SHTN1: variants seen among roughly 807,000 people sequenced by gnomAD.
The protein encoded by SHTN1 is shootin 1, also known as shootin-1.
Under a neutral mutation model 83.1 loss-of-function variants are expected in SHTN1, and 42 were observed. The ratio of observed to expected loss-of-function variants is 0.51; its 90% CI spans 0.39 to 0.65. The LOEUF (loss-of-function observed/expected upper bound fraction) is 0.65. Among genes scored for constraint, SHTN1 ranks in the 30% least tolerant of loss-of-function variants. The pLI is 0.00. For missense variants in SHTN1, 622 were observed against 737.8 expected, an observed-to-expected ratio of 0.84 and a Z score of 1.82; for synonymous variants, 224 against 247.7, an observed-to-expected ratio of 0.90 and a Z score of 0.90.
At chr10:116,932,011 T>G (rs1848986483) in intron 9 of SHTN1, among the ~76,000 whole-genome samples, 1 of 152,170 alleles carries the variant, frequency 6.6e-6, no homozygotes, top group Non-Finnish European at 1.5e-5. Flanking sequence ...TTTGAGATAG[T>G]TTTTCGACTT....
At chr10:116,920,581 G>C (rs905025812) in intron 12 of SHTN1, among the ~76,000 whole-genome samples, 15 of 152,064 alleles carry the variant, frequency 9.9e-5, no homozygotes, top group Admixed American at 3.3e-4. Context: ...TCCAGTTACA[G>C]TCTGTTCTCT....
upstream of SHTN1, among the ~76,000 whole-genome samples, chr10:117,009,765 G>A (rs952467129): frequency 1.3e-5 from 2 of 151,928 alleles, no homozygotes; most frequent in African/African-American, 2.4e-5. Flanking sequence ...TTAGCCGGGC[G>A]TGGTGGCGGG....
At chr10:116,903,606 C>A (rs531359389) in intron 15 of SHTN1, among the ~76,000 whole-genome samples, 1 of 152,030 alleles carries the variant, frequency 6.6e-6, no homozygotes, top group Admixed American at 6.6e-5. Context: ...GACAGAAGGG[C>A]AGAACAGAAA....
At position 116,884,986 on chromosome 10, in the gene SHTN1, C is replaced by T. The variant is rs56075302; in HGVS notation, c.*1358G>A. 1 of 152,326 alleles carries T rather than the reference C, an allele frequency of 6.6e-6. No homozygotes were observed. The highest frequency in any genetic ancestry group is 2.1e-4 in the South Asian group (1 of 4,828). The allele number at this position is 152,326 out of a possible 1,614,324, so 9.4% of individuals were successfully genotyped here. A position where few individuals can be genotyped will look rare whatever the true frequency, so the allele number is the denominator to read the frequency against. ...TCTCCATGAGTAAAGTGATAAGTAACTATAAAATCATTATTGGGAGAACAT... is the reference window on the plus strand; with the variant it reads ...TCTCCATGAGTAAAGTGATAAGTAATTATAAAATCATTATTGGGAGAACAT... On this transcript the variant is annotated 3_prime_UTR_variant, in exon 17 of 17. Transcript: ENST00000355371.
chr10:116,932,357 C>T (rs574888971), intron 9 of SHTN1, among the ~76,000 whole-genome samples: 2 of 152,144 alleles, frequency 1.3e-5, no homozygotes, highest in African/African-American at 2.4e-5. Flanking sequence ...CACAGAACCG[C>T]GAACCCTATT....
chr10:117,054,686 C>T lies in SHTN1; in HGVS notation c.-188-6176G>A, dbSNP rs766377866. 1.9e-4 allele frequency among the ~76,000 whole-genome samples: 29 copies of T among 151,846 alleles called. 3 individuals are homozygous for T. Among genetic ancestry groups the T allele is most frequent in the Admixed American group, 1.3e-3 (20 of 15,218 alleles). ...CCTCCCAAAGTGCTGGGATTACAGC[C>T]GTGAGCCACCGCACCTGGCCAGCAT... On this transcript the variant is annotated intron_variant, in intron 1 of 17. Coordinates refer to the SHTN1 transcript ENST00000392901.
At chr10:116,943,820 C>T (rs1346432661) in intron 8 of SHTN1, among the ~76,000 whole-genome samples, 1 of 152,180 alleles carries the variant, frequency 6.6e-6, no homozygotes, top group East Asian at 1.9e-4. Context: ...TATCTTCCTT[C>T]AACCTACAGT....
At chr10:116,892,067 T>C (rs891687952) in intron 16 of SHTN1, among the ~76,000 whole-genome samples, 5 of 152,216 alleles carry the variant, frequency 3.3e-5, no homozygotes, top group African/African-American at 1.2e-4. Context: ...GAATTCCTTT[T>C]TAACATAGGT....
In SHTN1 at chr10:117,012,859, G is replaced by T. The variant is rs181401526; in HGVS notation, c.-122-33551C>A. On this transcript the variant is annotated intron_variant, in intron 2 of 17. Coordinates refer to the SHTN1 transcript ENST00000392901. Reference sequence around the variant, plus strand: ...TTTAAAAATCACATATTAATATTTTGTATCACACATTAAATAAATCACATA... The same window carrying T: ...TTTAAAAATCACATATTAATATTTTTTATCACACATTAAATAAATCACATA... Among the ~76,000 whole-genome samples the T allele has an allele frequency of 5.9e-5, 9 of 152,114 alleles. No homozygotes were observed. The East Asian group carries it at 1.7e-3, about 29-fold the overall frequency.
intron 1 of SHTN1, among the ~76,000 whole-genome samples, chr10:117,108,292 G>A (rs578003743): frequency 9.1e-4 from 138 of 152,144 alleles, no homozygotes; most frequent in African/African-American, 3.2e-3. Flanking sequence ...CAATAGCAAA[G>A]ACTTGGAACC....
chr10:116,996,462 C>T (rs181445475), intron 1 of SHTN1, among the ~76,000 whole-genome samples: 100 of 152,246 alleles, frequency 6.6e-4, no homozygotes, highest in African/African-American at 2.1e-3. Context: ...GCTTTTGTAT[C>T]GACAACCTTT....
chr10:117,041,945 A>G (rs919836255), intron 2 of SHTN1, among the ~76,000 whole-genome samples: 1 of 152,224 alleles, frequency 6.6e-6, no homozygotes, highest in Non-Finnish European at 1.5e-5. Flanking sequence ...ATCCACAAAA[A>G]TTAAATGATA....
chr10:117,020,642 C>A (rs1008690360), intron 2 of SHTN1, among the ~76,000 whole-genome samples: 1 of 151,528 alleles, frequency 6.6e-6, no homozygotes, highest in African/African-American at 2.4e-5. Context: ...CCTACCTCCA[C>A]CATATTAAAA....
intron 2 of SHTN1, among the ~76,000 whole-genome samples, chr10:117,014,141 G>A (rs1010097366): frequency 5.7e-4 from 87 of 152,114 alleles, no homozygotes; most frequent in African/African-American, 2.0e-3. Context: ...GGTTGAGGAC[G>A]AATGGAAGGG....
rs927811528 is a variant in SHTN1 at position 117,036,415 on chromosome 10, G to T, written c.-123+12030C>A. 2.6e-5 allele frequency among the ~76,000 whole-genome samples: 4 copies of T among 152,194 alleles called. No individual in the cohort carries two copies. In the East Asian group the frequency reaches 5.8e-4, roughly 22 times the overall value. ...TTCCATCAACAGATGAATGGATAAA[G>T]AAAATGTGCTACTTATACACAATGG... On this transcript the variant is annotated intron_variant, in intron 2 of 17. Transcript: ENST00000392901.
chr10:117,000,284 T>C (rs1207978532), intron 1 of SHTN1, among the ~76,000 whole-genome samples: 1 of 152,168 alleles, frequency 6.6e-6, no homozygotes, highest in African/African-American at 2.4e-5. Flanking sequence ...TTTCAGACTG[T>C]TTTGTCAAAA....
At chr10:117,098,901 G>C (rs1335089614) in intron 1 of SHTN1, among the ~76,000 whole-genome samples, 1 of 151,760 alleles carries the variant, frequency 6.6e-6, no homozygotes, top group African/African-American at 2.4e-5. Context: ...TTTTTATCTC[G>C]ATCCTTAAAA....
chr10:117,115,346 G>A (rs1328926721), intron 1 of SHTN1, among the ~76,000 whole-genome samples: 2 of 152,006 alleles, frequency 1.3e-5, no homozygotes, highest in African/African-American at 4.8e-5. Context: ...TTATATACAA[G>A]TGTCTGGCCC....
intron 1 of SHTN1, among the ~76,000 whole-genome samples, chr10:117,083,614 A>G (rs1853305022): frequency 6.6e-6 from 1 of 150,500 alleles, no homozygotes; most frequent in African/African-American, 2.4e-5. Context: ...TCTCCTGGAT[A>G]ATATCCTGCA....
Sources: gnomAD v4.1 joint callset for allele counts (sites outside exome capture counted in the v4.1 genomes callset) on GRCh38, gnomAD v4.1.1 for gene constraint, MANE v1.5 for transcripts, NCBI Gene and HGNC (gene_info 2026-07-23, HGNC 2026-07-21) for gene names.